The following RGS12 variants were observed in gnomAD, a reference collection of about 807,000 sequenced individuals.
The protein encoded by RGS12 is regulator of G-protein signaling 12.
In RGS12, 66 loss-of-function variants were observed where a neutral mutation model predicts 120.1. The ratio of observed to expected loss-of-function variants is 0.55; its 90% CI spans 0.45 to 0.67. The LOEUF is 0.67. Ranked by LOEUF, RGS12 falls within the 30% of genes least tolerant of loss-of-function variation. RGS12 has a pLI of 0.00. For synonymous variants in RGS12, 827 were observed against 804.7 expected (o/e 1.03, Z -0.47); for missense variants, 1,859 against 1,957.7 (o/e 0.95, Z 0.95).
At chr4:3,415,496 C>T (rs976923358) in intron 6 of RGS12, among the ~76,000 whole-genome samples, 7 of 152,162 alleles carry the variant, frequency 4.6e-5, no homozygotes, top group African/African-American at 2.4e-5. Context: ...GAGGGCATCC[C>T]GGGCCGTGCT....
intron 5 of RGS12, 96 bp downstream of exon 5, chr4:3,414,337 T>A: frequency 7.3e-7 from 1 of 1,365,954 alleles, no homozygotes; most frequent in South Asian, 1.5e-5. Context: ...AGCGGCACCC[T>A]GCGGGCCCTG....
chr4:3,366,275 G>A lies in RGS12; in HGVS notation c.1999-20141G>A, dbSNP rs1053386343. Among the ~76,000 whole-genome samples, 1 of 152,174 alleles carries A rather than the reference G, an allele frequency of 6.6e-6. No homozygotes were observed. Among genetic ancestry groups the A allele is most frequent in the Admixed American group, 6.5e-5 (1 of 15,288 alleles). ...CGGCCAGCTGTCTAGTTGGTTATGC[G>A]GGGTCAGGGGTGGAGGGCAGGAGGA... On this transcript the variant is annotated intron_variant, in intron 3 of 17. Transcript: ENST00000336727. The surrounding 1 kb of genome is among the most constrained non-coding windows in gnomAD (Gnocchi z 4.0).
At chr4:3,288,819 G>C (rs1272714195), upstream of RGS12, among the ~76,000 whole-genome samples, 1 of 152,168 alleles carries the variant, frequency 6.6e-6, no homozygotes, top group Non-Finnish European at 1.5e-5. The surrounding 1 kb of genome is among the most constrained non-coding windows in gnomAD (Gnocchi z 5.2). Flanking sequence ...GCTTGCTGGG[G>C]GCCTCAGGGG....
chr4:3,430,590 G>T lies in RGS12; in HGVS notation c.3749G>T (p.Gly1250Val). ...AGCAAGAGAAGCGCCACAGGCAACG[G>T]CCGGGAGAGCGCCTCCCAGCCTGGC... ...GFSKRSATGN[G>V]RESASQPGEQ... The change falls in exon 17 of 18, where the codon GGC becomes GTC. Residue 1250 changes from glycine to valine, a missense_variant. By Grantham distance (109) the Gly-to-Val change is moderately radical. Coordinates refer to ENST00000336727, the MANE Select transcript of RGS12 (RefSeq NM_001394154.1). 6.2e-7 allele frequency: 1 copy of T among 1,612,452 alleles called. No homozygotes were observed. Among genetic ancestry groups the T allele is most frequent in the Non-Finnish European group, 8.5e-7 (1 of 1,179,798 alleles).
rs957963279 is a variant in RGS12, at chr4:3,366,197, AC to A, written c.1999-20218del. Among the ~76,000 whole-genome samples, 2 of 152,012 alleles carry A rather than the reference AC, an allele frequency of 1.3e-5. No individual in the cohort carries two copies. Among genetic ancestry groups the A allele is most frequent in the Non-Finnish European group, 2.9e-5 (2 of 67,978 alleles). On this transcript the variant is annotated intron_variant, in intron 3 of 17. Coordinates refer to ENST00000336727, the MANE Select transcript of RGS12 (RefSeq NM_001394154.1). The surrounding 1 kb of genome is among the most constrained non-coding windows in gnomAD (Gnocchi z 4.0). ...GACTGTTAGGGGTTAGGGGTTAGGC[AC>A]AGGGCTGGGGCGGGTGCTGGGCAGA...
the RGS12 span, among the ~76,000 whole-genome samples, chr4:3,286,970 T>C: frequency 6.6e-6 from 1 of 152,172 alleles, no homozygotes; most frequent in Non-Finnish European, 1.5e-5. Flanking sequence ...GGGACCTGGC[T>C]ATGATGGTGA....
chr4:3,433,821 C>T lies in RGS12; in HGVS notation c.4114+2866C>T, dbSNP rs929334750. Among the ~76,000 whole-genome samples the T allele has an allele frequency of 1.3e-5, 2 of 152,226 alleles. No individual in the cohort carries two copies. Among genetic ancestry groups the T allele is most frequent in the African/African-American group, 4.8e-5 (2 of 41,464 alleles). ...ACCGAGACCGAGACCATGCACCATG[C>T]AGGCTGGCCGGTGCCCCCATGCATG... is the stretch of plus-strand genomic sequence containing the variant. On this transcript the variant is annotated intron_variant, in intron 17 of 17. Coordinates refer to ENST00000336727, the MANE Select transcript of RGS12 (RefSeq NM_001394154.1). This position sits in a 1 kb window ranked among gnomAD's most constrained non-coding sequence, Gnocchi z 4.4.
chr4:3,417,111 GCCTCACGCC>G lies in RGS12; in HGVS notation c.2607+23_2607+31del. On this transcript the variant is annotated intron_variant, in intron 8 of 17. Coordinates refer to ENST00000336727, the MANE Select transcript of RGS12 (RefSeq NM_001394154.1). ...AAAAAAGGTGACCTCCCCGAGGCTG[GCCTCACGCC>G]CCTGTGGGTTGTGTGTCATCAGCTG... 5 of 1,577,896 alleles carry G rather than the reference GCCTCACGCC, an allele frequency of 3.2e-6. No individual in the cohort carries two copies. Among genetic ancestry groups the G allele is most frequent in the Non-Finnish European group, 4.3e-6 (5 of 1,156,162 alleles).
At chr4:3,422,280 G>A (rs1723097442) in intron 10 of RGS12, 96 bp from the exon 11 acceptor site, 5 of 1,287,530 alleles carry the variant, frequency 3.9e-6, no homozygotes, top group Admixed American at 2.3e-5. Context: ...AGCCTCCCCA[G>A]CACGTGCGGC....
chr4:3,432,305 C>G, intron 17 of RGS12: 1 of 506,124 alleles, frequency 2.0e-6, no homozygotes, highest in Non-Finnish European at 2.6e-6. Context: ...AATCTACTGG[C>G]TTTTAAAAAT....
intron 3 of RGS12, among the ~76,000 whole-genome samples, chr4:3,377,532 G>A (rs1367241570): frequency 6.6e-6 from 1 of 152,088 alleles, no homozygotes; most frequent in African/African-American, 2.4e-5. Context: ...GTCAGTGGCT[G>A]AAAATGAAAA....
At chr4:3,415,317 C>G (rs1426133001) in intron 6 of RGS12, among the ~76,000 whole-genome samples, 1 of 152,164 alleles carries the variant, frequency 6.6e-6, no homozygotes. Context: ...AAAATCATTT[C>G]TTTTTCAGAA....
chr4:3,370,314 A>T, intron 3 of RGS12: 1 of 1,614,128 alleles, frequency 6.2e-7, no homozygotes, highest in South Asian at 1.1e-5. Context: ...GTTTCTAATG[A>T]CCAGCAGGTA....
chr4:3,286,066 G>C, the RGS12 span, among the ~76,000 whole-genome samples: 2 of 152,282 alleles, frequency 1.3e-5, no homozygotes, highest in Admixed American at 1.3e-4. Context: ...GAGGAGCCCA[G>C]ATGCCTGAGG....
intron 4 of RGS12, among the ~76,000 whole-genome samples, chr4:3,405,777 G>A (rs1006637460): frequency 6.6e-6 from 1 of 152,198 alleles, no homozygotes; most frequent in African/African-American, 2.4e-5. Context: ...GAGAATGGGC[G>A]GAAGGGAGAG....
rs1447192772 is a variant in RGS12, at chr4:3,430,921, C to T, written c.4080C>T (p.Ser1360=). Residue 1360 remains serine (S), a synonymous_variant, in exon 17 of 18, where the codon TCC becomes TCT. Coordinates refer to ENST00000336727, the MANE Select transcript of RGS12 (RefSeq NM_001394154.1). ...ACAGCACCTTGCTGCCGCCGCCCTC[C>T]ACCCCCCAGGAAGTGCCAGGACCTT... ...SPNSTLLPPP[S]TPQEVPGPSR... is the part of the protein sequence containing the mutation. The T allele has an allele frequency of 1.9e-6, 3 of 1,612,820 alleles. No individual in the cohort carries two copies. The highest frequency in any genetic ancestry group is 2.5e-6 in the Non-Finnish European group (3 of 1,179,968).
intron 2 of RGS12, among the ~76,000 whole-genome samples, chr4:3,319,037 G>A (rs977321384): frequency 2.0e-5 from 3 of 152,202 alleles, no homozygotes; most frequent in African/African-American, 7.2e-5. Context: ...AGGCAGGGCC[G>A]GGGAGTAGGA....
intron 16 of RGS12, among the ~76,000 whole-genome samples, chr4:3,429,400 T>C (rs914909718): frequency 6.6e-6 from 1 of 152,198 alleles, no homozygotes; most frequent in East Asian, 1.9e-4. Flanking sequence ...TGTCACGGCT[T>C]TGTCACAGCT....
chr4:3,431,962 G>A (rs571907047), intron 17 of RGS12: 62 of 985,352 alleles, frequency 6.3e-5, no homozygotes, highest in Non-Finnish European at 7.2e-5. Flanking sequence ...TGGAGGCCAC[G>A]TGTGGCATGG....
Sources: gnomAD v4.1 joint callset for allele counts (sites outside exome capture counted in the v4.1 genomes callset) on GRCh38, gnomAD v4.1.1 for gene constraint, Gnocchi (gnomAD v3.1) non-coding constraint, MANE v1.5 for transcripts, NCBI Gene and HGNC (gene_info 2026-07-23, HGNC 2026-07-21) for gene names.